R3HCC1L: variants seen among roughly 807,000 people sequenced by gnomAD.
R3HCC1L encodes R3H domain and coiled-coil containing 1 like.
Under a neutral mutation model 59.9 loss-of-function variants are expected in R3HCC1L, and 51 were observed. That is an observed-to-expected ratio of 0.85 (90% confidence interval 0.68 to 1.07). The LOEUF (loss-of-function observed/expected upper bound fraction) is 1.07, where lower values mean the gene tolerates loss of function less well. Ranked by LOEUF, R3HCC1L falls within the 50% of genes least tolerant of loss-of-function variation. The pLI is 0.00. For missense variants in R3HCC1L, 965 were observed against 933.0 expected (o/e 1.03, Z -0.45); for synonymous variants, 322 against 315.2 (o/e 1.02, Z -0.23).
rs1003219618 is a variant in R3HCC1L, at chr10:98,232,438, T to C, written c.1961+751T>C. ...AACACTTGCACTAACCCTTGGTATGTGTATAGCTGATACTTATATAGGAGA... is the reference window on the plus strand; with the variant it reads ...AACACTTGCACTAACCCTTGGTATGCGTATAGCTGATACTTATATAGGAGA... On this transcript the variant is annotated intron_variant, in intron 6 of 9. Transcript: ENST00000298999. Among the ~76,000 whole-genome samples the C allele has an allele frequency of 2.0e-5, 3 of 152,340 alleles. No homozygotes were observed. The East Asian group carries it at 5.8e-4, about 29-fold the overall frequency.
chr10:98,228,104 G>A (rs1455836560), intron 5 of R3HCC1L, among the ~76,000 whole-genome samples: 1 of 152,152 alleles, frequency 6.6e-6, no homozygotes, highest in African/African-American at 2.4e-5. Context: ...CCCAGTAATG[G>A]GATGGCTGGG....
intron 4 of R3HCC1L, among the ~76,000 whole-genome samples, chr10:98,197,981 A>G (rs1411731283): frequency 6.6e-6 from 1 of 152,182 alleles, no homozygotes; most frequent in Non-Finnish European, 1.5e-5. Flanking sequence ...CTTGTGTGTG[A>G]AAAACCACTG....
chr10:98,182,923 G>C lies in R3HCC1L; in HGVS notation c.-15+19526G>C, dbSNP rs555759503. ...TGCGGTATTTGGGTGGCAGTGTCCC[G>C]ATTCTCCTTGTATAGTCTGTCATGG... is the stretch of plus-strand genomic sequence containing the variant. On this transcript the variant is annotated intron_variant, in intron 4 of 9. Transcript: ENST00000298999. Among the ~76,000 whole-genome samples the C allele has an allele frequency of 1.7e-4, 26 of 152,276 alleles. No homozygotes were observed. In the East Asian group the frequency reaches 2.7e-3, roughly 16 times the overall value.
In R3HCC1L at chr10:98,208,368, A is replaced by G. The variant is rs772878995; in HGVS notation, c.254A>G (p.Glu85Gly). Residue 85 changes from glutamate to glycine, a missense_variant, in exon 5 of 10, where the codon GAA becomes GGA. Coordinates refer to ENST00000298999, the MANE Select transcript of R3HCC1L (RefSeq NM_001351015.2). The stretch of plus-strand genomic sequence containing the variant: ...AGAAAGGAGCATAATTGTAGAGAAG[A>G]AAAGAAATCTTCAACAAAATTAAGA... ...PDRKEHNCRE[E>G]KKSSTKLRMD... The G allele has an allele frequency of 7.4e-6, 12 of 1,614,032 alleles. No individual in the cohort carries two copies. Among genetic ancestry groups the G allele is most frequent in the South Asian group, 1.1e-5 (1 of 91,076 alleles).
chr10:98,227,331 C>G (rs928047367), intron 5 of R3HCC1L, among the ~76,000 whole-genome samples: 6 of 152,130 alleles, frequency 3.9e-5, no homozygotes, highest in Non-Finnish European at 7.4e-5. Context: ...TTGATATTAT[C>G]CAAATCACCT....
chr10:98,135,073 G>T (rs1203750034), intron 1 of R3HCC1L, among the ~76,000 whole-genome samples: 5 of 152,218 alleles, frequency 3.3e-5, no homozygotes, highest in Non-Finnish European at 5.9e-5. Flanking sequence ...GGGGCCGTGG[G>T]CCCCCAGGGC....
In R3HCC1L at chr10:98,179,060, C is replaced by G. The variant is rs113307282; in HGVS notation, c.-15+15663C>G. ...CTAATTGAATACCCTTTATTTCTTT[C>G]TCTTGCCTAATTGCCCTGGCCAGAA... On this transcript the variant is annotated intron_variant, in intron 4 of 9. Coordinates refer to ENST00000298999, the MANE Select transcript of R3HCC1L (RefSeq NM_001351015.2). Among the ~76,000 whole-genome samples the G allele has an allele frequency of 2.8e-3, 432 of 152,280 alleles. 2 individuals carry two copies. The highest frequency in any genetic ancestry group is 0.011 in the South Asian group (51 of 4,826).
intron 5 of R3HCC1L, among the ~76,000 whole-genome samples, chr10:98,214,752 A>G (rs921710646): frequency 1.3e-5 from 2 of 152,258 alleles, no homozygotes; most frequent in African/African-American, 2.4e-5. Flanking sequence ...TCCTTGACAT[A>G]TAAGGACTCA....
chr10:98,144,985 T>C (rs532565538), intron 1 of R3HCC1L, among the ~76,000 whole-genome samples: 2 of 152,330 alleles, frequency 1.3e-5, no homozygotes, highest in Non-Finnish European at 2.9e-5. Flanking sequence ...TTAACAGTAC[T>C]CCACAAATAG....
intron 5 of R3HCC1L, among the ~76,000 whole-genome samples, chr10:98,224,662 A>G (rs1564724002): frequency 1.3e-5 from 2 of 152,244 alleles, no homozygotes; most frequent in African/African-American, 4.8e-5. Flanking sequence ...GATCCTAAAA[A>G]TATTTGTGAT....
At chr10:98,201,334 A>G (rs373763784) in intron 4 of R3HCC1L, among the ~76,000 whole-genome samples, 1 of 152,210 alleles carries the variant, frequency 6.6e-6, no homozygotes, top group African/African-American at 2.4e-5. Flanking sequence ...TTTCTGTTGC[A>G]TAGTTTTTTG....
In R3HCC1L at chr10:98,209,135, G is replaced by C. The variant is rs768362453; in HGVS notation, c.1021G>C (p.Asp341His). The C allele has an allele frequency of 6.2e-7, 1 of 1,613,956 alleles. No individual in the cohort carries two copies. The highest frequency in any genetic ancestry group is 1.7e-5 in the Admixed American group (1 of 60,006). The change falls in exon 5 of 10, where the codon GAT becomes CAT. Residue 341 changes from aspartate to histidine, a missense_variant. By Grantham distance (81) the Asp-to-His change is moderately conservative. Coordinates refer to ENST00000298999, the MANE Select transcript of R3HCC1L (RefSeq NM_001351015.2). ...RECEKNDSTA[D>H]ELHVKHEPPD... ...ATGTGAGAAGAATGACAGCACTGCT[G>C]ATGAGTTACATGTAAAGCACGAACC...
In R3HCC1L at chr10:98,136,808, G is replaced by T. The variant is rs138417034; in HGVS notation, c.-268+2102G>T. Among the ~76,000 whole-genome samples the T allele has an allele frequency of 6.7e-3, 1,015 of 152,328 alleles. 17 individuals are homozygous for T. The highest frequency in any genetic ancestry group is 0.022 in the African/African-American group (935 of 41,570). On this transcript the variant is annotated intron_variant, in intron 1 of 9. Transcript: ENST00000298999. The stretch of plus-strand genomic sequence containing the variant: ...GCAGAGATTGGGCCACTGCACTCTA[G>T]CCTGGCCGATAGATTGAGACTCTGT...
In R3HCC1L at chr10:98,229,191, A is replaced by C. The variant is rs559086116; in HGVS notation, c.1786-2321A>C. ...TACCTTGGGCAGTATGGCCATTTTC[A>C]CGATATTGATTCTTCCTACCCATGA... On this transcript the variant is annotated intron_variant, in intron 5 of 9. Coordinates refer to ENST00000298999, the MANE Select transcript of R3HCC1L (RefSeq NM_001351015.2). Among the ~76,000 whole-genome samples the C allele has an allele frequency of 2.6e-5, 4 of 151,998 alleles. 1 individual carries two copies. The South Asian group carries it at 8.3e-4, about 32-fold the overall frequency.
At chr10:98,139,589 T>C (rs1432005774) in intron 1 of R3HCC1L, among the ~76,000 whole-genome samples, 1 of 152,200 alleles carries the variant, frequency 6.6e-6, no homozygotes, top group African/African-American at 2.4e-5. Context: ...TGGATGAAGC[T>C]TGGGGAACTC....
chr10:98,157,543 C>T (rs934121035), intron 2 of R3HCC1L, among the ~76,000 whole-genome samples: 1 of 152,210 alleles, frequency 6.6e-6, no homozygotes, highest in Non-Finnish European at 1.5e-5. Flanking sequence ...TTGGTATGGC[C>T]AGTCCCTGAC....
intron 5 of R3HCC1L, among the ~76,000 whole-genome samples, chr10:98,217,531 G>GT (rs889450690): frequency 6.6e-6 from 1 of 151,934 alleles, no homozygotes; most frequent in Non-Finnish European, 1.5e-5. Context: ...TTTTAGTATT[G>GT]TTTTTTCTAT....
intron 1 of R3HCC1L, among the ~76,000 whole-genome samples, chr10:98,144,824 A>G (rs933687284): frequency 6.6e-6 from 1 of 152,178 alleles, no homozygotes; most frequent in Non-Finnish European, 1.5e-5. Flanking sequence ...ATGTCAGGTT[A>G]TTTAGGCCTA....
In R3HCC1L at chr10:98,244,118, G is replaced by A. The variant is rs148923672; in HGVS notation, c.2297G>A (p.Arg766Gln). 7.4e-5 allele frequency: 119 copies of A among 1,613,834 alleles called. No individual in the cohort carries two copies. The highest frequency in any genetic ancestry group is 1.3e-4 in the African/African-American group (10 of 74,928). Residue 766 changes from arginine (R) to glutamine (Q), a missense_variant, in exon 10 of 10, where the codon CGG becomes CAG. By Grantham distance (43) the Arg-to-Gln change is conservative. Coordinates refer to ENST00000298999, the MANE Select transcript of R3HCC1L (RefSeq NM_001351015.2). ...RERKRLEAKQREDIWEGRDQS... is the reference protein window; with the variant it reads ...RERKRLEAKQQEDIWEGRDQS... ...AGAAAGCGGTTGGAAGCCAAGCAAC[G>A]GGAAGACATCTGGGAAGGCAGAGAC... is the stretch of plus-strand genomic sequence containing the variant.
Sources: allele counts gnomAD v4.1 joint callset (sites outside exome capture counted in the v4.1 genomes callset), GRCh38; gene constraint gnomAD v4.1.1; transcripts MANE v1.5; gene names NCBI Gene and HGNC (gene_info 2026-07-23, HGNC 2026-07-21).